The following PLCG2 variants were observed in gnomAD, a reference collection of about 807,000 sequenced individuals.
PLCG2 encodes phospholipase C gamma 2.
A neutral mutation model predicts 175.6 loss-of-function variants in PLCG2; 69 were observed. The ratio of observed to expected loss-of-function variants is 0.39; its 90% confidence interval spans 0.32 to 0.48. PLCG2 has a LOEUF of 0.48. Among genes scored for constraint, PLCG2 ranks in the 20% least tolerant of loss-of-function variants. PLCG2 has a pLI of 0.91. For missense variants in PLCG2, 1,798 were observed against 1,650.9 expected (o/e 1.09, Z -1.54); for synonymous variants, 827 against 624.0 (o/e 1.33, Z -4.85).
chr16:81,786,462 G>A (rs1910976672), intron 2 of PLCG2, among the ~76,000 whole-genome samples: 1 of 152,212 alleles, frequency 6.6e-6, no homozygotes, highest in Non-Finnish European at 1.5e-5. Flanking sequence ...GTGGTTCTGT[G>A]CCCTGTCTGA....
intron 2 of PLCG2, among the ~76,000 whole-genome samples, chr16:81,837,321 C>A (rs1000850195): frequency 1.3e-5 from 2 of 152,198 alleles, no homozygotes; most frequent in African/African-American, 2.4e-5. Context: ...GAATTGTGGT[C>A]CCAGCTGGCT....
chr16:81,868,658 A>G (rs1009656779), intron 5 of PLCG2, among the ~76,000 whole-genome samples: 1 of 152,256 alleles, frequency 6.6e-6, no homozygotes, highest in African/African-American at 2.4e-5. Flanking sequence ...TCACTTTGAC[A>G]TTCAGAGTCC....
chr16:81,819,556 C>G (rs979617565), intron 2 of PLCG2, among the ~76,000 whole-genome samples: 6 of 152,184 alleles, frequency 3.9e-5, no homozygotes, highest in African/African-American at 9.7e-5. Flanking sequence ...AGGCTGGACT[C>G]TATCCCAGCT....
Position 81,905,460 on chromosome 16 carries a change from G to A in PLCG2, c.1420G>A (p.Glu474Lys), listed in dbSNP as rs867345397. 1.1e-5 allele frequency: 17 copies of A among 1,614,170 alleles called. No individual in the cohort carries two copies. Among genetic ancestry groups the A allele is most frequent in the African/African-American group, 5.3e-5 (4 of 75,048 alleles). Residue 474 changes from glutamate to lysine, a missense_variant, in exon 15 of 33, where the codon GAA becomes AAA. By Grantham distance (56) the Glu-to-Lys change is moderately conservative. Transcript: ENST00000564138. ...VDVNMEDKKD[E>K]HKQQGELYMW... ...TGTCAACATGGAGGACAAGAAGGAC[G>A]AACACAAGCAACAGGGGGAGCTGTA...
intron 1 of PLCG2, among the ~76,000 whole-genome samples, chr16:81,783,912 A>C (rs999897552): frequency 6.6e-5 from 10 of 152,044 alleles, no homozygotes; most frequent in African/African-American, 2.4e-4. Flanking sequence ...ATCTTTTTTG[A>C]AAGATTGAGT....
chr16:81,926,961 C>G, intron 22 of PLCG2, 121 bp from the exon 23 acceptor site: 1 of 692,682 alleles, frequency 1.4e-6, no homozygotes, highest in Non-Finnish European at 2.6e-6. Flanking sequence ...TGACACTGGT[C>G]ACTTGGCCAC....
intron 14 of PLCG2, among the ~76,000 whole-genome samples, chr16:81,904,871 G>T (rs1257128051): frequency 6.6e-6 from 1 of 152,206 alleles, no homozygotes; most frequent in African/African-American, 2.4e-5. Context: ...ATAGGAAGGG[G>T]AGTGTGGGCT....
intron 13 of PLCG2, among the ~76,000 whole-genome samples, chr16:81,899,916 C>T (rs1909071770): frequency 6.6e-6 from 1 of 152,168 alleles, no homozygotes; most frequent in Admixed American, 6.5e-5. Flanking sequence ...GCTCAAAAGG[C>T]CCTGATCCTG....
chr16:81,931,636 C>T lies in PLCG2; in HGVS notation c.2721C>T (p.Thr907=). The T allele has an allele frequency of 1.2e-6, 2 of 1,613,782 alleles. No homozygotes were observed. The highest frequency in any genetic ancestry group is 1.7e-6 in the Non-Finnish European group (2 of 1,179,790). The change falls in exon 25 of 33, where the codon ACC becomes ACT. Residue 907 remains threonine, a synonymous_variant. Coordinates refer to ENST00000564138, the MANE Select transcript of PLCG2 (RefSeq NM_002661.5). ...FEWFQSIREI[T]WKIDTKENNM... is the part of the protein sequence containing the mutation. ...GGTTTCAGAGCATCCGAGAGATCAC[C>T]TGGAAGATTGACACCAAGGTAGGCA...
chr16:81,841,204 CTTTATTTA>C (rs144363484), intron 2 of PLCG2, among the ~76,000 whole-genome samples: 23,029 of 144,550 alleles, frequency 0.16, 2,233 homozygotes, highest in African/African-American at 0.28. Context: ...AAAAAGTAAA[CTTTATTTA>C]TTTATTTATT....
At chr16:81,824,192 G>C (rs1305678745) in intron 2 of PLCG2, among the ~76,000 whole-genome samples, 1 of 146,520 alleles carries the variant, frequency 6.8e-6, no homozygotes, top group Non-Finnish European at 1.5e-5. Context: ...GGAGTGCAAT[G>C]GCGTGATCTC....
chr16:81,842,465 G>A (rs1314703971), intron 2 of PLCG2, among the ~76,000 whole-genome samples: 1 of 152,222 alleles, frequency 6.6e-6, no homozygotes, highest in Non-Finnish European at 1.5e-5. Flanking sequence ...GTGGGGTTCT[G>A]TGACTGCCTG....
intron 7 of PLCG2, among the ~76,000 whole-genome samples, chr16:81,879,269 C>G (rs78951794): frequency 0.016 from 2,383 of 152,290 alleles, 64 homozygotes; most frequent in African/African-American, 0.055. Context: ...AGCAGGCTGA[C>G]TTGGTGACCT....
chr16:81,834,343 G>C (rs567981735), intron 2 of PLCG2, among the ~76,000 whole-genome samples: 5 of 152,312 alleles, frequency 3.3e-5, no homozygotes, highest in Admixed American at 2.0e-4. Flanking sequence ...GCTGCTGGCA[G>C]AATTGTGAGG....
Position 81,905,383 on chromosome 16 carries a change from T to C in PLCG2, c.1363-20T>C, listed in dbSNP as rs2143642932. 2 of 1,568,090 alleles carry C rather than the reference T, an allele frequency of 1.3e-6. No individual in the cohort carries two copies. The highest frequency in any genetic ancestry group is 2.2e-5 in the East Asian group (1 of 44,602). ...CTTGGGTCTCCATGGAGACAGCCTATGTATATGTTTTCCCCTCAGCATAAG... is the reference window on the plus strand; with the variant it reads ...CTTGGGTCTCCATGGAGACAGCCTACGTATATGTTTTCCCCTCAGCATAAG... On this transcript the variant is annotated intron_variant, in intron 14 of 32. Coordinates refer to ENST00000564138, the MANE Select transcript of PLCG2 (RefSeq NM_002661.5).
At chr16:81,867,961 A>G (rs1292160019) in intron 5 of PLCG2, among the ~76,000 whole-genome samples, 2 of 152,060 alleles carry the variant, frequency 1.3e-5, no homozygotes, top group African/African-American at 4.8e-5. Context: ...AGCCTCCCAA[A>G]GTGCTGGGAT....
chr16:81,820,451 G>T (rs1023957127), intron 2 of PLCG2, among the ~76,000 whole-genome samples: 1 of 152,132 alleles, frequency 6.6e-6, no homozygotes, highest in Non-Finnish European at 1.5e-5. Context: ...GACTTCTTTT[G>T]TGTGATGTTC....
intron 19 of PLCG2, among the ~76,000 whole-genome samples, chr16:81,913,546 TCTA>T (rs1248772194): frequency 2.8e-4 from 42 of 152,328 alleles, no homozygotes; most frequent in South Asian, 1.0e-3. Flanking sequence ...CTCCAGAGTC[TCTA>T]GCCAGAGGCC....
At chr16:81,746,334 G>C (rs150369726) in intron 1 of PLCG2, among the ~76,000 whole-genome samples, 3 of 152,194 alleles carry the variant, frequency 2.0e-5, no homozygotes, top group Admixed American at 6.5e-5. Context: ...AGCACAGGTG[G>C]AGAACCCAAC....
Sources: gnomAD v4.1 joint callset for allele counts (sites outside exome capture counted in the v4.1 genomes callset) on GRCh38, gnomAD v4.1.1 for gene constraint, MANE v1.5 for transcripts, NCBI Gene and HGNC (gene_info 2026-07-23, HGNC 2026-07-21) for gene names.